The following WDR73 variants were observed in gnomAD, a reference collection of about 807,000 sequenced individuals.
WDR73 encodes integrator complex assembly factor WDR73.
In WDR73, 30 loss-of-function variants were observed where a neutral mutation model predicts 38.2. The observed-to-expected ratio is 0.79, with a 90% CI of 0.59 to 1.06. The LOEUF is 1.06. Ranked by LOEUF, WDR73 falls within the 50% of genes least tolerant of loss-of-function variation. The probability of loss-of-function intolerance (pLI) is 0.00; values close to 1 mark genes in which losing one functional copy is unlikely to be tolerated. For synonymous variants in WDR73, 197 were observed against 176.0 expected, an observed-to-expected ratio of 1.12 and a Z score of -0.94; for missense variants, 487 against 467.0, an observed-to-expected ratio of 1.04 and a Z score of -0.40.
At chr15:84,652,512 T>C (rs550329925) in intron 3 of WDR73, among the ~76,000 whole-genome samples, 2 of 152,352 alleles carry the variant, frequency 1.3e-5, no homozygotes, top group Non-Finnish European at 2.9e-5. Context: ...CCTCCTCCTC[T>C]GATAGCCCTC....
At chr15:84,653,804 C>T (rs1353558231) in intron 1 of WDR73, 105 bp from the exon 2 acceptor site, 1 of 875,010 alleles carries the variant, frequency 1.1e-6, no homozygotes, top group African/African-American at 1.7e-5. Flanking sequence ...TGGAGTCAGG[C>T]AGACGTGGGA....
In WDR73 at chr15:84,643,218, T is replaced by G. The variant is rs986125738; in HGVS notation, c.*252A>C. Reference sequence around the variant, plus strand: ...GGGACAAAACGCTACCATTTCACACTCCCAGATCTAACAATAGCTACCAAG... The same window carrying G: ...GGGACAAAACGCTACCATTTCACACGCCCAGATCTAACAATAGCTACCAAG... On this transcript the variant is annotated 3_prime_UTR_variant, in exon 8 of 8. Coordinates refer to ENST00000434634, the MANE Select transcript of WDR73 (RefSeq NM_032856.5). 1 of 522,898 alleles carries G rather than the reference T, an allele frequency of 1.9e-6. No homozygotes were observed. The highest frequency in any genetic ancestry group is 3.4e-5 in the Admixed American group (1 of 29,440). The allele number at this position is 522,898 out of a possible 1,614,324, so 32.4% of individuals were successfully genotyped here.
chr15:84,653,784 G>T, intron 1 of WDR73, 85 bp from the exon 2 acceptor site: 1 of 1,088,192 alleles, frequency 9.2e-7, no homozygotes, highest in Non-Finnish European at 1.4e-6. Context: ...TGGTTCAGTG[G>T]CCCAAACTCT....
At position 84,654,052 on chromosome 15, in the gene WDR73, G is replaced by C. The variant is rs75697182; in HGVS notation, c.41+182C>G. 2.9e-3 allele frequency: 2,219 copies of C among 768,928 alleles called. 10 individuals carry two copies. The highest frequency in any genetic ancestry group is 4.1e-3 in the Non-Finnish European group (1,937 of 471,268). 47.6% of individuals were successfully genotyped at this position (768,928 alleles called of 1,614,324 possible). A position where few individuals can be genotyped will look rare whatever the true frequency, so the allele number is the denominator to read the frequency against. On this transcript the variant is annotated intron_variant, in intron 1 of 7. Transcript: ENST00000434634. ...AGTAATCTCACAACGCGCGCACGCA[G>C]GAAGGAGCCATTTCCTAGAGATGGG...
intron 5 of WDR73, 87 bp from the exon 6 acceptor site, chr15:84,646,435 T>C (rs1896466152): frequency 2.6e-6 from 4 of 1,511,528 alleles, no homozygotes; most frequent in Admixed American, 2.2e-5. Flanking sequence ...CCTGTACATT[T>C]AGAAGATCAA....
intron 3 of WDR73, among the ~76,000 whole-genome samples, chr15:84,649,940 C>T (rs1896574116): frequency 6.6e-6 from 1 of 152,254 alleles, no homozygotes; most frequent in African/African-American, 2.4e-5. Context: ...AGCTTTCCCT[C>T]TTGAGATTAT....
Position 84,648,425 on chromosome 15 carries a change from G to T in WDR73, c.287+112C>A, listed in dbSNP as rs1012636452. On this transcript the variant is annotated intron_variant, in intron 4 of 7. Coordinates refer to ENST00000434634, the MANE Select transcript of WDR73 (RefSeq NM_032856.5). ...TGCACACACTTGTGCACTCACATGT[G>T]CCTGTGTGCTGAGGGGGTGGGAATG... The T allele has an allele frequency of 2.9e-5, 22 of 747,106 alleles. No homozygotes were observed. The African/African-American group carries it at 3.8e-4, about 13-fold the overall frequency. The allele number at this position is 747,106 out of a possible 1,614,324, so 46.3% of individuals were successfully genotyped here. A position where few individuals can be genotyped will look rare whatever the true frequency, so the allele number is the denominator to read the frequency against.
In WDR73 at chr15:84,642,969, G is replaced by C. The variant is rs572318432; in HGVS notation, c.*501C>G. On this transcript the variant is annotated 3_prime_UTR_variant, in exon 8 of 8. Transcript: ENST00000434634. The stretch of plus-strand genomic sequence containing the variant: ...GGGCCACCAAAAGCAAATGTCTCTT[G>C]AACCTAGTCACCTGGGGGGACAAGT... The C allele has an allele frequency of 7.6e-4, 120 of 158,720 alleles. No individual in the cohort carries two copies. Among genetic ancestry groups the C allele is most frequent in the Non-Finnish European group, 1.4e-3 (100 of 72,112 alleles). 9.8% of individuals were successfully genotyped at this position (158,720 alleles called of 1,614,324 possible).
In WDR73 at chr15:84,645,828, CACTG is replaced by C; in HGVS notation, c.522_525del (p.Ser175ThrfsTer5). 6.2e-7 allele frequency: 1 copy of C among 1,613,820 alleles called. No homozygotes were observed. Among genetic ancestry groups the C allele is most frequent in the Non-Finnish European group, 8.5e-7 (1 of 1,179,842 alleles). On this transcript the variant is annotated frameshift_variant, in exon 7 of 8. Coordinates refer to ENST00000434634, the MANE Select transcript of WDR73 (RefSeq NM_032856.5). LOFTEE classifies it high-confidence loss of function. ...TGCAGGCTACTCAGCTCCTCACTGT[CACTG>C]ACATCTGGAAGACCGACAGCAAAGG...
At chr15:84,652,900 T>G (rs1009493549) in intron 2 of WDR73, 98 bp from the exon 3 acceptor site, 5 of 679,228 alleles carry the variant, frequency 7.4e-6, no homozygotes, top group African/African-American at 1.8e-5. Context: ...CTGTGCAGCC[T>G]TGTATGGAGG....
chr15:84,653,695 G>A lies in WDR73; in HGVS notation c.46C>T (p.Gln16Ter). ...GACAGGTCGAATGCATAGAAATCCT[G>A]GTACCTGCACAAAAGGGACACAGAA... ...DWLVESLRLY[Q>*]DFYAFDLSGA... The change falls in exon 2 of 8, where the codon CAG becomes TAG. Residue 16 changes from glutamine to a stop codon, truncating the protein, a stop_gained. Transcript: ENST00000434634. LOFTEE classifies it high-confidence loss of function. The A allele has an allele frequency of 1.3e-6, 2 of 1,588,986 alleles. No homozygotes were observed. Among genetic ancestry groups the A allele is most frequent in the Non-Finnish European group, 1.7e-6 (2 of 1,167,048 alleles).
At position 84,642,345 on chromosome 15, in the gene WDR73, CAAAAAA is replaced by C. The variant is rs201991585; in HGVS notation, c.*1119_*1124del. On this transcript the variant is annotated 3_prime_UTR_variant, in exon 8 of 8. Transcript: ENST00000434634. The stretch of plus-strand genomic sequence containing the variant: ...ACAGAGCAAGACTCCATCTCTACTA[CAAAAAA>C]AAAAAAAAAAAAAATTCAACCACCT... The C allele has an allele frequency of 4.4e-3, 531 of 119,854 alleles. 4 individuals carry two copies. Among genetic ancestry groups the C allele is most frequent in the African/African-American group, 0.012 (408 of 34,936 alleles). 7.4% of individuals were successfully genotyped at this position (119,854 alleles called of 1,614,324 possible).
At chr15:84,652,349 TA>T in intron 3 of WDR73, among the ~76,000 whole-genome samples, 1 of 152,328 alleles carries the variant, frequency 6.6e-6, no homozygotes, top group Middle Eastern at 3.4e-3. Flanking sequence ...ACTCATCCCT[TA>T]AATGTGTTCC....
intron 2 of WDR73, 40 bp from the exon 3 acceptor site, chr15:84,652,842 A>G (rs1896666435): frequency 1.5e-6 from 2 of 1,311,740 alleles, no homozygotes; most frequent in African/African-American, 1.5e-5. Flanking sequence ...AAATTGTTAG[A>G]AAGATTGCAG....
intron 7 of WDR73, chr15:84,644,791 A>G (rs1283959525): frequency 6.6e-6 from 1 of 150,638 alleles, no homozygotes; most frequent in Non-Finnish European, 1.5e-5. Flanking sequence ...GTTGGCCACG[A>G]TGGTCTCGAT....
At chr15:84,643,828 G>A in intron 7 of WDR73, 105 bp from the exon 8 acceptor site, 1 of 1,344,790 alleles carries the variant, frequency 7.4e-7, no homozygotes, top group Non-Finnish European at 9.9e-7. Context: ...TGTTGACCAG[G>A]ATGGTCTTGA....
Position 84,643,621 on chromosome 15 carries a change from C to T in WDR73, c.986G>A (p.Gly329Asp). 6.2e-7 allele frequency: 1 copy of T among 1,612,778 alleles called. No individual in the cohort carries two copies. The highest frequency in any genetic ancestry group is 8.5e-7 in the Non-Finnish European group (1 of 1,179,416). ...SQVEPLFTHR[G>D]HIFLDGNGMD... ...CCCATTTCCATCTAGGAAGATGTGA[C>T]CTCTGTGAGTGAAGAGAGGTTCTAC... Residue 329 changes from glycine (G) to aspartate (D), a missense_variant, in exon 8 of 8, where the codon GGT becomes GAT. By Grantham distance (94) the Gly-to-Asp change is moderately conservative. Coordinates refer to ENST00000434634, the MANE Select transcript of WDR73 (RefSeq NM_032856.5).
rs780804914 is a variant in WDR73 at position 84,646,242 on chromosome 15, C to T, written c.459G>A (p.Ala153=). ...STLAPGVLHG[A]RLRSLQVVDL... Reference sequence around the variant, plus strand: ...CAACGACCTGCAGACTTCGGAGCCTCGCCCCATGGAGGACTCCGGGTGCCA... The same window carrying T: ...CAACGACCTGCAGACTTCGGAGCCTTGCCCCATGGAGGACTCCGGGTGCCA... The change falls in exon 6 of 8, where the codon GCG becomes GCA. Residue 153 remains alanine (A), a synonymous_variant. Coordinates refer to ENST00000434634, the MANE Select transcript of WDR73 (RefSeq NM_032856.5). 4.1e-5 allele frequency: 66 copies of T among 1,613,784 alleles called. No individual in the cohort carries two copies. The highest frequency in any genetic ancestry group is 1.6e-4 in the Middle Eastern group (1 of 6,084).
chr15:84,650,293 C>G (rs1364035755), intron 3 of WDR73, among the ~76,000 whole-genome samples: 1 of 152,178 alleles, frequency 6.6e-6, no homozygotes, highest in African/African-American at 2.4e-5. Flanking sequence ...AAGGGATTCT[C>G]TGGTGCCTCA....
Sources: allele counts gnomAD v4.1 joint callset (sites outside exome capture counted in the v4.1 genomes callset), GRCh38; gene constraint gnomAD v4.1.1; transcripts MANE v1.5; gene names NCBI Gene and HGNC (gene_info 2026-07-23, HGNC 2026-07-21).